The following PACRG variants were observed in gnomAD, a reference collection of about 807,000 sequenced individuals.
PACRG encodes the protein parkin coregulated gene protein.
Under a neutral mutation model 29.7 loss-of-function variants are expected in PACRG, and 29 were observed. That is an observed-to-expected ratio of 0.98 (90% confidence interval 0.73 to 1.33). The LOEUF (loss-of-function observed/expected upper bound fraction) is 1.33. Ranked by LOEUF, PACRG falls within the 40% of genes most tolerant of loss-of-function variation. The pLI is 0.00. For missense variants in PACRG, 279 were observed against 316.2 expected, an observed-to-expected ratio of 0.88 and a Z score of 0.89; for synonymous variants, 116 against 118.7, an observed-to-expected ratio of 0.98 and a Z score of 0.15.
rs541897715 is a variant in PACRG at position 162,853,938 on chromosome 6, G to A, written c.291+39657G>A. 6.6e-6 allele frequency among the ~76,000 whole-genome samples: 1 copy of A among 151,754 alleles called. No individual in the cohort carries two copies. Among genetic ancestry groups the A allele is most frequent in the South Asian group, 2.1e-4 (1 of 4,800 alleles). ...TTAGAATATTGTTGGGTCCATGCTAGGTATAAATATTAACTATTATTATTA... is the reference window on the plus strand; with the variant it reads ...TTAGAATATTGTTGGGTCCATGCTAAGTATAAATATTAACTATTATTATTA... On this transcript the variant is annotated intron_variant, in intron 2 of 4. Transcript: ENST00000366888. This position sits in a 1 kb window ranked among gnomAD's most constrained non-coding sequence, Gnocchi z 4.7.
intron 4 of PACRG, among the ~76,000 whole-genome samples, chr6:163,209,799 CAT>C (rs2128153842): frequency 6.6e-6 from 1 of 152,250 alleles, no homozygotes; most frequent in African/African-American, 2.4e-5. Context: ...TGAAAACTTC[CAT>C]ATGTCTAAAG....
In PACRG at chr6:163,071,202, G is replaced by C. The variant is rs1485874625; in HGVS notation, c.463+8881G>C. On this transcript the variant is annotated intron_variant, in intron 3 of 4. Coordinates refer to ENST00000366888, the MANE Select transcript of PACRG (RefSeq NM_001080379.2). ...TACTATAGACCAAATGAATCTAGTG[G>C]ATATTTACAGAACATTTCATCCAAT... Among the ~76,000 whole-genome samples the C allele has an allele frequency of 2.0e-5, 3 of 152,116 alleles. No homozygotes were observed. In the East Asian group the frequency reaches 5.8e-4, roughly 29 times the overall value.
At chr6:162,845,130 G>C (rs1274792517) in intron 2 of PACRG, among the ~76,000 whole-genome samples, 2 of 151,194 alleles carry the variant, frequency 1.3e-5, no homozygotes, top group African/African-American at 4.9e-5. Context: ...AGCCACAATA[G>C]GTAATAGTTA....
intron 2 of PACRG, among the ~76,000 whole-genome samples, chr6:162,821,743 G>T (rs934269299): frequency 6.6e-6 from 1 of 152,158 alleles, no homozygotes; most frequent in African/African-American, 2.4e-5. Context: ...TGAATTTTCT[G>T]TATCTACCCA....
rs1223884305 is a variant in PACRG at position 162,777,014 on chromosome 6, C to T, written c.157-37133C>T. 1.5e-4 allele frequency among the ~76,000 whole-genome samples: 23 copies of T among 152,152 alleles called. No individual in the cohort carries two copies. Among genetic ancestry groups the T allele is most frequent in the Admixed American group, 1.4e-3 (22 of 15,274 alleles). ...TCAGGTGCTGGGTGCACCTGAATCT[C>T]CGAAATCACCACTAAAGAACTTATT... On this transcript the variant is annotated intron_variant, in intron 1 of 4. Transcript: ENST00000366888. This position sits in a 1 kb window ranked among gnomAD's most constrained non-coding sequence, Gnocchi z 4.0.
chr6:163,044,982 G>T (rs545058419), intron 2 of PACRG, among the ~76,000 whole-genome samples: 40 of 152,348 alleles, frequency 2.6e-4, no homozygotes, highest in African/African-American at 9.6e-4. Context: ...GCATTCAGCT[G>T]TTTAACTGGG....
chr6:162,917,356 A>G (rs1247143999), intron 2 of PACRG, among the ~76,000 whole-genome samples: 1 of 152,066 alleles, frequency 6.6e-6, no homozygotes, highest in Non-Finnish European at 1.5e-5. Context: ...GCCACCACCA[A>G]TCTCTAACTC....
intron 1 of PACRG, among the ~76,000 whole-genome samples, chr6:162,750,038 T>C (rs184481872): frequency 6.6e-6 from 1 of 152,348 alleles, no homozygotes; most frequent in East Asian, 1.9e-4. Context: ...CCATTGTTGA[T>C]TACCCAATGT....
chr6:162,805,967 C>T (rs1335302445), intron 1 of PACRG, among the ~76,000 whole-genome samples: 2 of 152,108 alleles, frequency 1.3e-5, no homozygotes, highest in African/African-American at 4.8e-5. Context: ...TGACCTCTTC[C>T]TATGAATCAG....
intron 4 of PACRG, chr6:163,184,819 G>T (rs1410174981): frequency 6.6e-6 from 1 of 152,142 alleles, no homozygotes; most frequent in Non-Finnish European, 1.5e-5. Context: ...GAGAGAGAAA[G>T]CTCACCATTC....
chr6:163,090,551 G>A (rs1232228446), intron 4 of PACRG, among the ~76,000 whole-genome samples: 1 of 152,110 alleles, frequency 6.6e-6, no homozygotes, highest in Non-Finnish European at 1.5e-5. Flanking sequence ...TAATAATTGA[G>A]TCTCTTATTG....
chr6:162,912,776 T>G (rs1796394841), intron 2 of PACRG, among the ~76,000 whole-genome samples: 1 of 151,902 alleles, frequency 6.6e-6, no homozygotes, highest in Non-Finnish European at 1.5e-5. Context: ...TTCACAATGT[T>G]GGCCGGGATG....
intron 4 of PACRG, among the ~76,000 whole-genome samples, chr6:163,228,470 T>C (rs1781897589): frequency 6.6e-6 from 1 of 151,846 alleles, no homozygotes; most frequent in African/African-American, 2.4e-5. Context: ...GCTGGATTAA[T>C]TCATTAATTC....
At chr6:163,201,737 C>A (rs1263920901) in intron 4 of PACRG, among the ~76,000 whole-genome samples, 2 of 152,208 alleles carry the variant, frequency 1.3e-5, no homozygotes, top group African/African-American at 4.8e-5. Flanking sequence ...ACCTCACCTG[C>A]GCAATTAGGT....
intron 4 of PACRG, among the ~76,000 whole-genome samples, chr6:163,311,282 G>T (rs1483150331): frequency 6.6e-6 from 1 of 152,086 alleles, no homozygotes; most frequent in Non-Finnish European, 1.5e-5. Context: ...CTATTTGTTT[G>T]ATTATAAATA....
At chr6:163,031,997 T>C (rs1319529323) in intron 2 of PACRG, among the ~76,000 whole-genome samples, 1 of 152,228 alleles carries the variant, frequency 6.6e-6, no homozygotes, top group African/African-American at 2.4e-5. Context: ...GTTTCTCCAA[T>C]TGTGTCATGT....
rs1585424858 is a variant in PACRG, at chr6:163,315,089, T to C, written c.*102T>C. The C allele has an allele frequency of 3.6e-6, 5 of 1,370,414 alleles. No homozygotes were observed. The East Asian group carries it at 1.2e-4, about 32-fold the overall frequency. 84.9% of individuals were successfully genotyped at this position (1,370,414 alleles called of 1,614,324 possible). On this transcript the variant is annotated 3_prime_UTR_variant, in exon 5 of 5. Transcript: ENST00000366888. Reference sequence around the variant, plus strand: ...CCTTGTGACTTCCACAGCTTTCTTTTCTACAGCTGCTAAAATAGTGGCTTA... The same window carrying C: ...CCTTGTGACTTCCACAGCTTTCTTTCCTACAGCTGCTAAAATAGTGGCTTA...
Position 162,985,385 on chromosome 6 carries a change from G to A in PACRG, c.292-76765G>A, listed in dbSNP as rs145213379. Reference sequence around the variant, plus strand: ...ATCAAGTGGGTTCCATATGAGGGATGCAGGGATGGTTTAACGTACATAAGT... The same window carrying A: ...ATCAAGTGGGTTCCATATGAGGGATACAGGGATGGTTTAACGTACATAAGT... On this transcript the variant is annotated intron_variant, in intron 2 of 4. Transcript: ENST00000366888. Among the ~76,000 whole-genome samples the A allele has an allele frequency of 3.3e-5, 5 of 152,204 alleles. No individual in the cohort carries two copies. In the East Asian group the frequency reaches 9.7e-4, roughly 29 times the overall value.
chr6:163,044,960 C>T (rs1809179300), intron 2 of PACRG, among the ~76,000 whole-genome samples: 1 of 152,206 alleles, frequency 6.6e-6, no homozygotes, highest in South Asian at 2.1e-4. Flanking sequence ...TGCTCCTCTC[C>T]AATGAATGAA....
Sources: gnomAD v4.1 joint callset for allele counts (sites outside exome capture counted in the v4.1 genomes callset) on GRCh38, gnomAD v4.1.1 for gene constraint, Gnocchi (gnomAD v3.1) non-coding constraint, MANE v1.5 for transcripts, NCBI Gene and HGNC (gene_info 2026-07-23, HGNC 2026-07-21) for gene names.